SLC30A9: variants seen among roughly 807,000 people sequenced by gnomAD.
SLC30A9 encodes proton-coupled zinc antiporter SLC30A9, mitochondrial.
SLC30A9 carries 58 observed loss-of-function variants against 87.5 expected under a neutral mutation model. The observed-to-expected ratio is 0.66, with a 90% confidence interval of 0.54 to 0.82. The LOEUF is 0.82. Ranked by LOEUF, SLC30A9 falls within the 40% of genes least tolerant of loss-of-function variation. The pLI is 0.00. For missense variants in SLC30A9, 557 were observed against 679.1 expected (o/e 0.82, Z 2.00); for synonymous variants, 234 against 233.0 (o/e 1.00, Z -0.04).
intron 11 of SLC30A9, 107 bp from the exon 12 acceptor site, chr4:42,065,203 C>T (rs1256008203): frequency 2.9e-6 from 2 of 683,294 alleles, no homozygotes; most frequent in Non-Finnish European, 5.4e-6. Context: ...TACTGTCTGG[C>T]TTAAATTTGA....
At chr4:42,076,145 A>G (rs943763021) in intron 16 of SLC30A9, among the ~76,000 whole-genome samples, 4 of 152,208 alleles carry the variant, frequency 2.6e-5, no homozygotes, top group Admixed American at 1.3e-4. Flanking sequence ...GGAGTCATAT[A>G]TGAATCGAGA....
chr4:42,056,714 C>T (rs1717630681), intron 9 of SLC30A9, among the ~76,000 whole-genome samples: 1 of 152,148 alleles, frequency 6.6e-6, no homozygotes, highest in Non-Finnish European at 1.5e-5. Context: ...AGCATTAACT[C>T]AAAAGTCCAT....
chr4:42,063,028 T>C lies in SLC30A9; in HGVS notation c.939T>C (p.Ser313=), dbSNP rs770930411. ...TGCGCTATATTTCTTCGCTAATTAG[T>C]GGTGTTGGTATTTTCATGATGGGTG... ...SNMRYISSLI[S]GVGIFMMGAG... The change falls in exon 11 of 18, where the codon AGT becomes AGC. Residue 313 remains serine, a synonymous_variant. Transcript: ENST00000264451. 6.2e-7 allele frequency: 1 copy of C among 1,613,294 alleles called. No homozygotes were observed. Among genetic ancestry groups the C allele is most frequent in the African/African-American group, 1.3e-5 (1 of 74,900 alleles).
intron 6 of SLC30A9, among the ~76,000 whole-genome samples, chr4:42,033,586 T>G (rs1455697164): frequency 6.6e-6 from 1 of 152,054 alleles, no homozygotes; most frequent in East Asian, 1.9e-4. Flanking sequence ...TGGTCTTGCT[T>G]TTTTTTTGAG....
At chr4:42,083,788 T>A (rs563689477) in intron 17 of SLC30A9, among the ~76,000 whole-genome samples, 2 of 152,274 alleles carry the variant, frequency 1.3e-5, no homozygotes, top group East Asian at 3.9e-4. Flanking sequence ...TAATTCTATA[T>A]TGAGTTTAAG....
At chr4:42,017,973 A>G (rs1203367669) in intron 2 of SLC30A9, 138 bp from the exon 3 acceptor site, 1 of 546,878 alleles carries the variant, frequency 1.8e-6, no homozygotes, top group Non-Finnish European at 3.3e-6. Context: ...CTACTCTTAC[A>G]TTCTTAAGAT....
At chr4:42,008,758 G>A (rs976581342) in intron 2 of SLC30A9, among the ~76,000 whole-genome samples, 12 of 152,218 alleles carry the variant, frequency 7.9e-5, no homozygotes, top group African/African-American at 2.7e-4. Flanking sequence ...TTAGTTAGAT[G>A]TCTTTCACAG....
intron 8 of SLC30A9, among the ~76,000 whole-genome samples, chr4:42,048,547 A>G (rs1353870030): frequency 1.3e-5 from 2 of 151,976 alleles, no homozygotes; most frequent in Non-Finnish European, 2.9e-5. Flanking sequence ...AAATCATATT[A>G]GTCATTACTG....
At chr4:41,992,522 A>T (rs73810451) in intron 1 of SLC30A9, among the ~76,000 whole-genome samples, 7,337 of 152,214 alleles carry the variant, frequency 0.048, 251 homozygotes, top group African/African-American at 0.077. Flanking sequence ...CAAAAAGGAG[A>T]AGAAACAGTG....
At chr4:42,044,414 C>CA (rs1717056795) in intron 8 of SLC30A9, among the ~76,000 whole-genome samples, 2 of 138,608 alleles carry the variant, frequency 1.4e-5, no homozygotes, top group Admixed American at 1.4e-4. Flanking sequence ...AGCAGGGTTG[C>CA]AATCCTAGTC....
intron 2 of SLC30A9, among the ~76,000 whole-genome samples, chr4:42,017,399 TTGA>T (rs1715771081): frequency 6.6e-6 from 1 of 151,184 alleles, no homozygotes; most frequent in Non-Finnish European, 1.5e-5. Context: ...ATGGGATTAC[TTGA>T]TGAACAGTTT....
chr4:42,004,121 C>T (rs1371680858), intron 2 of SLC30A9, among the ~76,000 whole-genome samples: 3 of 152,186 alleles, frequency 2.0e-5, no homozygotes, highest in Non-Finnish European at 4.4e-5. Context: ...GGGAAAGGCA[C>T]ATTTAAGATG....
chr4:42,009,650 A>C (rs983947724), intron 2 of SLC30A9, among the ~76,000 whole-genome samples: 2 of 152,230 alleles, frequency 1.3e-5, no homozygotes, highest in South Asian at 2.1e-4. Flanking sequence ...ATAAGTATTC[A>C]TACATGTGTT....
intron 14 of SLC30A9, among the ~76,000 whole-genome samples, chr4:42,067,549 A>G (rs1022999201): frequency 2.0e-5 from 3 of 152,278 alleles, no homozygotes; most frequent in East Asian, 3.8e-4. Context: ...TTAAGAAAAT[A>G]TGAGAGTTTT....
rs1049365668 is a variant in SLC30A9 at position 42,090,117 on chromosome 4, C to T, written c.*3991C>T. On this transcript the variant is annotated 3_prime_UTR_variant, in exon 18 of 18. Coordinates refer to ENST00000264451, the MANE Select transcript of SLC30A9 (RefSeq NM_006345.4). The stretch of plus-strand genomic sequence containing the variant: ...TTAGACTGCATTTGTCAAGCTTTGG[C>T]AGCATTTCTTTTAAATGTGATGAAC... The T allele has an allele frequency of 1.3e-5, 2 of 152,184 alleles. No homozygotes were observed. Among genetic ancestry groups the T allele is most frequent in the Non-Finnish European group, 2.9e-5 (2 of 68,016 alleles). The allele number at this position is 152,184 out of a possible 1,614,324, so 9.4% of individuals were successfully genotyped here. A position where few individuals can be genotyped will look rare whatever the true frequency, so the allele number is the denominator to read the frequency against.
Position 42,060,209 on chromosome 4 carries a change from A to G in SLC30A9, c.859A>G (p.Ile287Val), listed in dbSNP as rs1429469692. The change falls in exon 10 of 18, where the codon ATC becomes GTC. Residue 287 changes from isoleucine (I) to valine (V), a missense_variant. Coordinates refer to ENST00000264451, the MANE Select transcript of SLC30A9 (RefSeq NM_006345.4). ...TCNQGLLALG[I>V]SKSVQTPDPS... ...TTCATAGGGTTTACTAGCATTGGGC[A>G]TCAGTAAGTCTGTTCAAACACCAGA... 6.2e-7 allele frequency: 1 copy of G among 1,612,484 alleles called. No individual in the cohort carries two copies. The highest frequency in any genetic ancestry group is 1.1e-5 in the South Asian group (1 of 91,034).
chr4:42,086,723 T>C lies in SLC30A9; in HGVS notation c.*597T>C, dbSNP rs1481749981. The C allele has an allele frequency of 6.5e-6, 1 of 152,672 alleles. No individual in the cohort carries two copies. Among genetic ancestry groups the C allele is most frequent in the Non-Finnish European group, 1.5e-5 (1 of 68,044 alleles). The allele number at this position is 152,672 out of a possible 1,614,324, so 9.5% of individuals were successfully genotyped here. A position where few individuals can be genotyped will look rare whatever the true frequency, so the allele number is the denominator to read the frequency against. On this transcript the variant is annotated 3_prime_UTR_variant, in exon 18 of 18. Transcript: ENST00000264451. ...CTACAAATGTTCATTCCAGAAATGT[T>C]TAGTTACTGAATTGAATGAAGACAT...
chr4:42,076,004 T>C (rs552753677), intron 16 of SLC30A9, among the ~76,000 whole-genome samples: 79 of 152,286 alleles, frequency 5.2e-4, no homozygotes, highest in African/African-American at 1.8e-3. Flanking sequence ...GTGCATTTAA[T>C]CTTTTTTTAT....
chr4:42,051,298 A>G (rs1435996215), intron 9 of SLC30A9, among the ~76,000 whole-genome samples: 1 of 152,192 alleles, frequency 6.6e-6, no homozygotes, highest in African/African-American at 2.4e-5. Context: ...CACTTGCCAG[A>G]ACAAAGCCTC....
Sources: gnomAD v4.1 joint callset for allele counts (sites outside exome capture counted in the v4.1 genomes callset) on GRCh38, gnomAD v4.1.1 for gene constraint, MANE v1.5 for transcripts, NCBI Gene and HGNC (gene_info 2026-07-23, HGNC 2026-07-21) for gene names.